PDE4A: variants seen among roughly 807,000 people sequenced by gnomAD.
The protein encoded by PDE4A is 3',5'-cyclic-AMP phosphodiesterase 4A.
Under a neutral mutation model 73.9 loss-of-function variants are expected in PDE4A, and 21 were observed. The ratio of observed to expected loss-of-function variants is 0.28; its 90% CI spans 0.20 to 0.41. The LOEUF (loss-of-function observed/expected upper bound fraction) is 0.41. PDE4A is among the 10% of genes least tolerant of loss of function. PDE4A has a pLI of 1.00. For synonymous variants in PDE4A, 463 were observed against 505.4 expected (o/e 0.92, Z 1.13); for missense variants, 958 against 1,211.4 (o/e 0.79, Z 3.10).
chr19:10,427,993 CAAAAA>C (rs5827099), intron 1 of PDE4A: 21 of 107,966 alleles, frequency 1.9e-4, no homozygotes, highest in Non-Finnish European at 2.9e-4. Context: ...GAGACCCTGT[CAAAAA>C]AAAAAAAAAA....
chr19:10,446,146 C>A (rs2043000094), intron 1 of PDE4A, 72 bp from the exon 2 acceptor site: 7 of 1,510,420 alleles, frequency 4.6e-6, no homozygotes, highest in Non-Finnish European at 6.2e-6. Flanking sequence ...CCGCACCCGG[C>A]CTCCTCATTC....
chr19:10,461,242 G>A (rs2043261280), intron 11 of PDE4A, 139 bp downstream of exon 11: 1 of 1,091,072 alleles, frequency 9.2e-7, no homozygotes, highest in Admixed American at 3.1e-5. Flanking sequence ...GGATGGCCGG[G>A]CAGGAGGCGG....
chr19:10,448,104 C>CT (rs554377484), intron 2 of PDE4A, among the ~76,000 whole-genome samples: 351 of 142,634 alleles, frequency 2.5e-3, no homozygotes, highest in African/African-American at 3.5e-3. Flanking sequence ...TTATCTCTCT[C>CT]TTTTTTTTTT....
upstream of PDE4A, chr19:10,417,962 C>T (rs76401256): frequency 8.0e-4 from 1,103 of 1,378,372 alleles, 11 homozygotes; most frequent in African/African-American, 0.014. Flanking sequence ...CTCCATGCTC[C>T]CTGCCGTTTG....
In PDE4A at chr19:10,467,066, C is replaced by G; in HGVS notation, c.2106C>G (p.Pro702=). The change falls in exon 15 of 15, where the codon CCC becomes CCG. Residue 702 remains proline, a synonymous_variant. Coordinates refer to ENST00000380702, the MANE Select transcript of PDE4A (RefSeq NM_001111307.2). ...EEESRGPGHP[P]LPDKFQFELT... ...AGTCAAGGGGGCCAGGCCACCCACCCCTGCCTGACAAGTTCCAGTTTGAGC... is the reference window on the plus strand; with the variant it reads ...AGTCAAGGGGGCCAGGCCACCCACCGCTGCCTGACAAGTTCCAGTTTGAGC... 1.2e-6 allele frequency: 2 copies of G among 1,614,156 alleles called. No individual in the cohort carries two copies. The highest frequency in any genetic ancestry group is 1.7e-6 in the Non-Finnish European group (2 of 1,180,038).
intron 6 of PDE4A, chr19:10,452,865 A>AACCCCCC: frequency 4.1e-6 from 1 of 243,732 alleles, no homozygotes; most frequent in Non-Finnish European, 6.6e-6. Flanking sequence ...CCCCTTTAAT[A>AACCCCCC]CCCCCCCACC....
chr19:10,429,908 G>T (rs2042765432), intron 1 of PDE4A, among the ~76,000 whole-genome samples: 1 of 152,102 alleles, frequency 6.6e-6, no homozygotes, highest in African/African-American at 2.4e-5. Context: ...GCATCTCAGA[G>T]ATGCTGTAGA....
At chr19:10,446,703 T>C (rs1361050941) in intron 2 of PDE4A, among the ~76,000 whole-genome samples, 4 of 151,820 alleles carry the variant, frequency 2.6e-5, no homozygotes, top group African/African-American at 9.7e-5. Context: ...CAAGCAATTC[T>C]CCTGCCTCAG....
At chr19:10,446,489 G>T in intron 2 of PDE4A, 80 bp downstream of exon 2, 2 of 1,517,948 alleles carry the variant, frequency 1.3e-6, no homozygotes, top group East Asian at 2.4e-5. Flanking sequence ...GGGAGTCGGG[G>T]GGCACCCACC....
At chr19:10,448,222 C>A (rs922461859) in intron 2 of PDE4A, among the ~76,000 whole-genome samples, 1 of 151,628 alleles carries the variant, frequency 6.6e-6, no homozygotes, top group Non-Finnish European at 1.5e-5. Context: ...GCCTCAGCCT[C>A]CCAAGTAGCT....
intron 2 of PDE4A, among the ~76,000 whole-genome samples, chr19:10,448,003 C>T (rs2043035528): frequency 6.6e-6 from 1 of 152,148 alleles, no homozygotes; most frequent in Admixed American, 6.6e-5. Context: ...CACTCATAAT[C>T]CTAGCACATT....
chr19:10,416,804 G>A (rs2042591871), upstream of PDE4A: 2 of 1,517,032 alleles, frequency 1.3e-6, no homozygotes, highest in African/African-American at 2.7e-5. Flanking sequence ...ATAGGCAAGT[G>A]GCGGGGGCGG....
chr19:10,438,425 T>C (rs965370950), intron 1 of PDE4A, among the ~76,000 whole-genome samples: 1 of 151,814 alleles, frequency 6.6e-6, no homozygotes, highest in Admixed American at 6.6e-5. Flanking sequence ...CTTTTTAATG[T>C]TCTCAGACTG....
intron 6 of PDE4A, chr19:10,452,930 G>T (rs1371188015): frequency 2.9e-6 from 3 of 1,050,578 alleles, no homozygotes; most frequent in Non-Finnish European, 3.4e-6. Context: ...GAGCACACAC[G>T]CACACACACG....
intron 2 of PDE4A, 160 bp from the exon 3 acceptor site, chr19:10,448,757 G>A: frequency 1.1e-6 from 1 of 931,590 alleles, no homozygotes. Flanking sequence ...GATCAGCCCT[G>A]GACACATATC....
chr19:10,431,158 C>A, intron 1 of PDE4A: 1 of 1,022,762 alleles, frequency 9.8e-7, no homozygotes, highest in Non-Finnish European at 1.3e-6. Context: ...GTCTAGGGTT[C>A]GTGGCTCACT....
intron 1 of PDE4A, among the ~76,000 whole-genome samples, chr19:10,441,318 G>A (rs543597205): frequency 1.4e-4 from 21 of 152,082 alleles, no homozygotes; most frequent in South Asian, 8.3e-4. Context: ...TAGTAGAGAC[G>A]GTTTCGCCAT....
intron 1 of PDE4A, among the ~76,000 whole-genome samples, chr19:10,437,535 T>C (rs1476214817): frequency 1.3e-5 from 2 of 151,784 alleles, no homozygotes; most frequent in Non-Finnish European, 2.9e-5. Context: ...TCATCTTGCA[T>C]CAGCCTCTTG....
At position 10,424,851 on chromosome 19, in the gene PDE4A, G is replaced by A. The variant is rs998915910; in HGVS notation, c.320+3767G>A. Among the ~76,000 whole-genome samples the A allele has an allele frequency of 6.6e-6, 1 of 152,240 alleles. No homozygotes were observed. The highest frequency in any genetic ancestry group is 2.4e-5 in the African/African-American group (1 of 41,460). Reference sequence around the variant, plus strand: ...AGGCCGGTGAACCCCAGCATCCTTGGCTCTGCGCTTCCTGCCCGGGAAACA... The same window carrying A: ...AGGCCGGTGAACCCCAGCATCCTTGACTCTGCGCTTCCTGCCCGGGAAACA... On this transcript the variant is annotated intron_variant, in intron 1 of 14. Coordinates refer to ENST00000380702, the MANE Select transcript of PDE4A (RefSeq NM_001111307.2). This position sits in a 1 kb window ranked among gnomAD's most constrained non-coding sequence, Gnocchi z 4.8.
Sources: gnomAD v4.1 joint callset for allele counts (sites outside exome capture counted in the v4.1 genomes callset) on GRCh38, gnomAD v4.1.1 for gene constraint, Gnocchi (gnomAD v3.1) non-coding constraint, MANE v1.5 for transcripts, NCBI Gene and HGNC (gene_info 2026-07-23, HGNC 2026-07-21) for gene names.